The following NAV2 variants were observed in gnomAD, a reference collection of about 807,000 sequenced individuals.
The protein encoded by NAV2 is neuron navigator 2, also known as helicase, APC down-regulated 1.
Under a neutral mutation model 223.2 loss-of-function variants are expected in NAV2, and 54 were observed. The ratio of observed to expected loss-of-function variants is 0.24; its 90% confidence interval spans 0.19 to 0.30. NAV2 has a LOEUF of 0.30. Among genes scored for constraint, NAV2 ranks in the 10% least tolerant of loss-of-function variants. The pLI, the probability that NAV2 is intolerant of heterozygous loss-of-function variation, is 1.00. For synonymous variants in NAV2, 1,279 were observed against 1,239.3 expected (o/e 1.03, Z -0.67); for missense variants, 2,806 against 3,147.5 (o/e 0.89, Z 2.60).
chr11:19,929,924 C>G (rs1274897687), intron 6 of NAV2, among the ~76,000 whole-genome samples: 1 of 152,160 alleles, frequency 6.6e-6, no homozygotes, highest in Non-Finnish European at 1.5e-5. Context: ...AGGAAGTTTT[C>G]CCAAACTCTT....
At chr11:19,765,538 G>A (rs927317346) in intron 1 of NAV2, among the ~76,000 whole-genome samples, 4 of 151,680 alleles carry the variant, frequency 2.6e-5, no homozygotes, top group South Asian at 4.2e-4. Flanking sequence ...CTTAACTGAC[G>A]GGCTTACAAA....
At chr11:19,397,352 A>G (rs961840988) in intron 1 of NAV2, among the ~76,000 whole-genome samples, 3 of 151,322 alleles carry the variant, frequency 2.0e-5, no homozygotes, top group Admixed American at 2.0e-4. Context: ...GGACTGGGTG[A>G]CCACTTAGCA....
intron 3 of NAV2, among the ~76,000 whole-genome samples, chr11:19,861,629 C>T (rs2061797388): frequency 6.6e-6 from 1 of 152,184 alleles, no homozygotes; most frequent in Admixed American, 6.5e-5. Flanking sequence ...ATGCCAGAAA[C>T]AAGATTTGAA....
intron 8 of NAV2, among the ~76,000 whole-genome samples, chr11:19,940,652 A>T (rs182174096): frequency 2.7e-4 from 41 of 152,332 alleles, no homozygotes; most frequent in African/African-American, 9.1e-4. Context: ...AATATCCCTG[A>T]CTACAGCATT....
chr11:20,020,475 C>T (rs1210304660), intron 11 of NAV2, among the ~76,000 whole-genome samples: 2 of 152,232 alleles, frequency 1.3e-5, no homozygotes, highest in Non-Finnish European at 2.9e-5. Flanking sequence ...CTTTTCCTCT[C>T]TCGTTGCCTG....
rs1301322186 is a variant in NAV2, at chr11:19,897,884, A to AT, written c.931+5293dup. On this transcript the variant is annotated intron_variant, in intron 6 of 37. Transcript: ENST00000349880. ...GAGCCACAGCTGTGCCTGACCTGTG[A>AT]TTTATATATATATATATATATGTGA... Among the ~76,000 whole-genome samples, 84 of 132,278 alleles carry AT rather than the reference A, an allele frequency of 6.4e-4. 4 individuals are homozygous for AT. The highest frequency in any genetic ancestry group is 1.8e-3 in the African/African-American group (59 of 33,402). The allele number at this position is 132,278 out of a possible 152,430, so 86.8% of individuals were successfully genotyped here. A position where few individuals can be genotyped will look rare whatever the true frequency, so the allele number is the denominator to read the frequency against.
At chr11:19,458,831 C>T (rs764621212) in intron 1 of NAV2, among the ~76,000 whole-genome samples, 1 of 152,276 alleles carries the variant, frequency 6.6e-6, no homozygotes, top group African/African-American at 2.4e-5. Context: ...CTCTCTGAGG[C>T]AGTCCTTCAT....
chr11:19,942,041 G>T (rs1565607866), intron 8 of NAV2, among the ~76,000 whole-genome samples: 3 of 152,176 alleles, frequency 2.0e-5, no homozygotes, highest in Non-Finnish European at 4.4e-5. Context: ...ATCATGACTA[G>T]TGGCTTGAGG....
intron 1 of NAV2, among the ~76,000 whole-genome samples, chr11:19,407,763 C>T (rs1049677843): frequency 6.6e-6 from 1 of 151,582 alleles, no homozygotes; most frequent in African/African-American, 2.4e-5. Context: ...CTTCCACACT[C>T]GGCATTTTGT....
chr11:19,714,403 C>G (rs1002778114), intron 1 of NAV2: 4 of 462,308 alleles, frequency 8.7e-6, no homozygotes, highest in Non-Finnish European at 1.7e-5. Context: ...GGGTTCGACG[C>G]CCCCTAGCCT....
intron 1 of NAV2, among the ~76,000 whole-genome samples, chr11:19,801,532 A>G (rs1273762896): frequency 6.6e-6 from 1 of 152,142 alleles, no homozygotes; most frequent in Non-Finnish European, 1.5e-5. Flanking sequence ...TTTTCAGTAG[A>G]GCAAGGCAGT....
intron 36 of NAV2, among the ~76,000 whole-genome samples, chr11:20,112,953 G>GCAGA (rs1332675118): frequency 2.0e-5 from 3 of 152,182 alleles, no homozygotes; most frequent in South Asian, 2.1e-4. Flanking sequence ...GGCAGGGAGA[G>GCAGA]CAGACAGACA....
intron 10 of NAV2, among the ~76,000 whole-genome samples, chr11:19,962,102 A>G (rs554581441): frequency 1.3e-5 from 2 of 150,884 alleles, no homozygotes; most frequent in South Asian, 2.1e-4. Flanking sequence ...TGCAACATCA[A>G]CTCCTCCCTG....
chr11:19,850,434 A>T (rs753521695), intron 3 of NAV2, among the ~76,000 whole-genome samples: 1 of 152,184 alleles, frequency 6.6e-6, no homozygotes, highest in Non-Finnish European at 1.5e-5. Context: ...GGATGGGTAG[A>T]TGGACAGACG....
intron 1 of NAV2, among the ~76,000 whole-genome samples, chr11:19,524,019 C>G (rs913451929): frequency 6.6e-6 from 1 of 152,200 alleles, no homozygotes; most frequent in Non-Finnish European, 1.5e-5. Flanking sequence ...TGGTTAGATA[C>G]TCCTCCTCTC....
At chr11:19,458,697 C>A (rs534615136) in intron 1 of NAV2, among the ~76,000 whole-genome samples, 86 of 152,340 alleles carry the variant, frequency 5.6e-4, no homozygotes, top group African/African-American at 1.9e-3. Flanking sequence ...ACCCAAAAAG[C>A]CTTACTCCTG....
At chr11:19,355,570 CCTT>C (rs1220368034) in intron 1 of NAV2, among the ~76,000 whole-genome samples, 1 of 152,130 alleles carries the variant, frequency 6.6e-6, no homozygotes, top group Admixed American at 6.5e-5. Context: ...AATTGTTTGA[CCTT>C]CTCCCACCTC....
intron 6 of NAV2, among the ~76,000 whole-genome samples, chr11:19,924,222 G>A (rs1393000911): frequency 6.6e-6 from 1 of 150,936 alleles, no homozygotes; most frequent in Non-Finnish European, 1.5e-5. Context: ...CATTACGTGG[G>A]ATTTAAGAAC....
At position 19,712,848 on chromosome 11, in the gene NAV2, C is replaced by G. The variant is rs1215970214; in HGVS notation, c.-848C>G. Among the ~76,000 whole-genome samples, 2 of 151,226 alleles carry G rather than the reference C, an allele frequency of 1.3e-5. No individual in the cohort carries two copies. Among genetic ancestry groups the G allele is most frequent in the African/African-American group, 4.8e-5 (2 of 41,312 alleles). On this transcript the variant is annotated 5_prime_UTR_variant, in exon 1 of 38. Coordinates refer to ENST00000349880, the MANE Select transcript of NAV2 (RefSeq NM_145117.5). Reference sequence around the variant, plus strand: ...GCCGGCAGCAGCCTGTCCTCCCCTGCGCTGAGCCCCGCAGCCAGCGCAGCC... The same window carrying G: ...GCCGGCAGCAGCCTGTCCTCCCCTGGGCTGAGCCCCGCAGCCAGCGCAGCC...
Sources: allele counts gnomAD v4.1 joint callset (sites outside exome capture counted in the v4.1 genomes callset), GRCh38; gene constraint gnomAD v4.1.1; transcripts MANE v1.5; gene names NCBI Gene and HGNC (gene_info 2026-07-23, HGNC 2026-07-21).